TBXAS1: variants seen among roughly 807,000 people sequenced by gnomAD.
The protein encoded by TBXAS1 is thromboxane A synthase 1, also known as thromboxane-A synthase.
TBXAS1 carries 48 observed loss-of-function variants against 60.7 expected under a neutral mutation model. That is an observed-to-expected ratio of 0.79 (90% CI 0.63 to 1.01). TBXAS1 has a LOEUF of 1.01. Among genes scored for constraint, TBXAS1 ranks in the 50% least tolerant of loss-of-function variants. TBXAS1 has a pLI of 0.00. For missense variants in TBXAS1, 685 were observed against 686.3 expected, an observed-to-expected ratio of 1.00 and a Z score of 0.02; for synonymous variants, 287 against 269.7, an observed-to-expected ratio of 1.06 and a Z score of -0.63.
chr7:139,814,809 T>A (rs1351677374), intron 4 of TBXAS1, among the ~76,000 whole-genome samples: 3 of 152,148 alleles, frequency 2.0e-5, no homozygotes, highest in Non-Finnish European at 4.4e-5. Flanking sequence ...TTCCAAAGAT[T>A]GTAGTTCTTG....
intron 4 of TBXAS1, among the ~76,000 whole-genome samples, chr7:139,805,718 C>T (rs1294633622): frequency 7.3e-4 from 85 of 116,194 alleles, no homozygotes; most frequent in East Asian, 2.7e-3. Flanking sequence ...TTCTTTCTCT[C>T]TCTCTCTCTC....
At chr7:139,981,894 T>C (rs1178279104) in intron 9 of TBXAS1, among the ~76,000 whole-genome samples, 1 of 152,266 alleles carries the variant, frequency 6.6e-6, no homozygotes, top group Non-Finnish European at 1.5e-5. Flanking sequence ...CTAAATGTCA[T>C]ATATACAATT....
intron 3 of TBXAS1, among the ~76,000 whole-genome samples, chr7:139,897,811 G>A (rs1804229128): frequency 6.6e-6 from 1 of 152,170 alleles, no homozygotes; most frequent in South Asian, 2.1e-4. Context: ...CCTGCTCAGA[G>A]TGACAGACAG....
At chr7:139,921,396 T>C (rs1806457420) in intron 4 of TBXAS1, among the ~76,000 whole-genome samples, 1 of 152,248 alleles carries the variant, frequency 6.6e-6, no homozygotes. Context: ...GAGTCATCCA[T>C]ACCACGTATT....
intron 1 of TBXAS1, among the ~76,000 whole-genome samples, chr7:139,856,023 C>T (rs566356429): frequency 1.9e-4 from 29 of 152,188 alleles, no homozygotes; most frequent in African/African-American, 4.6e-4. Context: ...TTGTTGTGCT[C>T]GACAAAGTGA....
At chr7:139,996,447 G>A (rs542636184) in intron 9 of TBXAS1, among the ~76,000 whole-genome samples, 2 of 152,184 alleles carry the variant, frequency 1.3e-5, no homozygotes, top group African/African-American at 2.4e-5. Flanking sequence ...CCGTCTGTGC[G>A]ATACCATCTC....
chr7:139,843,797 T>G (rs909207870), intron 1 of TBXAS1, among the ~76,000 whole-genome samples: 6 of 152,206 alleles, frequency 3.9e-5, no homozygotes, highest in Non-Finnish European at 2.9e-5. Context: ...GTAACCGAGA[T>G]AGCAGCACTG....
chr7:139,892,766 T>C (rs956056282), intron 3 of TBXAS1, among the ~76,000 whole-genome samples: 1 of 152,204 alleles, frequency 6.6e-6, no homozygotes, highest in African/African-American at 2.4e-5. Flanking sequence ...CTTGGTGTTC[T>C]TGTAGCCAGC....
At chr7:139,833,627 G>T (rs1361137636) in intron 1 of TBXAS1, among the ~76,000 whole-genome samples, 1 of 151,882 alleles carries the variant, frequency 6.6e-6, no homozygotes, top group African/African-American at 2.4e-5. Flanking sequence ...GGAGGTTGCA[G>T]TGAGCTGAGA....
intron 4 of TBXAS1, among the ~76,000 whole-genome samples, chr7:139,932,245 G>C (rs545223720): frequency 6.6e-6 from 1 of 150,670 alleles, no homozygotes; most frequent in African/African-American, 2.4e-5. Flanking sequence ...AAATCAATGT[G>C]TAGGCAAACT....
chr7:139,820,963 T>C (rs1798280356), intron 4 of TBXAS1, among the ~76,000 whole-genome samples: 1 of 152,278 alleles, frequency 6.6e-6, no homozygotes, highest in Admixed American at 6.5e-5. Flanking sequence ...ACTGTTCTAG[T>C]GTCTTCCCAT....
At position 139,999,379 on chromosome 7, in the gene TBXAS1, G is replaced by A. The variant is rs1019391218; in HGVS notation, c.1135-7712G>A. On this transcript the variant is annotated intron_variant, in intron 9 of 12. Coordinates refer to ENST00000448866, the MANE Select transcript of TBXAS1 (RefSeq NM_001061.7). This position sits in a 1 kb window ranked among gnomAD's most constrained non-coding sequence, Gnocchi z 4.3. Reference sequence around the variant, plus strand: ...GTCTCTATAAAAATACAATAACTACGTGGGCATGGTGGTGAGCGCCTGTAA... The same window carrying A: ...GTCTCTATAAAAATACAATAACTACATGGGCATGGTGGTGAGCGCCTGTAA... 3.9e-5 allele frequency among the ~76,000 whole-genome samples: 6 copies of A among 152,240 alleles called. No homozygotes were observed. In the East Asian group the frequency reaches 9.7e-4, roughly 25 times the overall value.
intron 9 of TBXAS1, among the ~76,000 whole-genome samples, chr7:139,984,663 GA>G (rs1482766386): frequency 1.4e-5 from 1 of 69,098 alleles, no homozygotes; most frequent in Admixed American, 1.5e-4. Context: ...AGGGAAGGGG[GA>G]AAGAAAGAAG....
intron 1 of TBXAS1, among the ~76,000 whole-genome samples, chr7:139,864,154 A>C (rs1054458471): frequency 6.6e-6 from 1 of 152,168 alleles, no homozygotes; most frequent in Non-Finnish European, 1.5e-5. Context: ...ATAAAACATA[A>C]TTATCAGCAT....
chr7:139,962,966 T>C (rs970062132), intron 9 of TBXAS1: 6 of 152,374 alleles, frequency 3.9e-5, no homozygotes, highest in African/African-American at 1.4e-4. Flanking sequence ...TCTGATATGA[T>C]TGCTATTACA....
intron 9 of TBXAS1, among the ~76,000 whole-genome samples, chr7:139,980,790 A>G (rs1396779208): frequency 6.6e-6 from 1 of 151,622 alleles, no homozygotes; most frequent in Non-Finnish European, 1.5e-5. Flanking sequence ...GGCATTCTCC[A>G]AAGACTCCTT....
rs369184516 is a variant in TBXAS1 at position 139,916,455 on chromosome 7, G to T, written c.333+5134G>T. 6.6e-6 allele frequency among the ~76,000 whole-genome samples: 1 copy of T among 152,146 alleles called. No homozygotes were observed. The highest frequency in any genetic ancestry group is 1.5e-5 in the Non-Finnish European group (1 of 68,030). ...ACAGAGGTCACCTCTCCAGGCACAG[G>T]TCGAGCCACACCACTGACACACAAG... On this transcript the variant is annotated intron_variant, in intron 4 of 12. Transcript: ENST00000448866. The surrounding 1 kb of genome is among the most constrained non-coding windows in gnomAD (Gnocchi z 4.2).
intron 1 of TBXAS1, among the ~76,000 whole-genome samples, chr7:139,859,626 G>A (rs894948571): frequency 6.6e-6 from 1 of 152,170 alleles, no homozygotes; most frequent in Admixed American, 6.5e-5. Flanking sequence ...ATAAGTAAAT[G>A]TACAGGCAAC....
chr7:139,886,911 C>T (rs1470276197), intron 3 of TBXAS1, among the ~76,000 whole-genome samples: 1 of 152,140 alleles, frequency 6.6e-6, no homozygotes, highest in African/African-American at 2.4e-5. Flanking sequence ...TTCTTTGGAG[C>T]ATCCCATGAG....
Sources: gnomAD v4.1 joint callset for allele counts (sites outside exome capture counted in the v4.1 genomes callset) on GRCh38, gnomAD v4.1.1 for gene constraint, Gnocchi (gnomAD v3.1) non-coding constraint, MANE v1.5 for transcripts, NCBI Gene and HGNC (gene_info 2026-07-23, HGNC 2026-07-21) for gene names.